CELF4: variants seen among roughly 807,000 people sequenced by gnomAD.
CELF4 encodes the protein CUG-BP- and ETR-3-like factor 4.
CELF4 carries 18 observed loss-of-function variants against 59.9 expected under a neutral mutation model. The ratio of observed to expected loss-of-function variants is 0.30; its 90% CI spans 0.21 to 0.45. CELF4 has a LOEUF of 0.45. Ranked by LOEUF, CELF4 falls within the 20% of genes least tolerant of loss-of-function variation. The probability of loss-of-function intolerance (pLI) is 1.00; values close to 1 mark genes in which losing one functional copy is unlikely to be tolerated. For missense variants in CELF4, 456 were observed against 689.0 expected, an observed-to-expected ratio of 0.66 and a Z score of 3.79; for synonymous variants, 261 against 267.1, an observed-to-expected ratio of 0.98 and a Z score of 0.22.
chr18:37,255,979 G>T (rs902262881), intron 11 of CELF4, among the ~76,000 whole-genome samples: 1 of 151,780 alleles, frequency 6.6e-6, no homozygotes, highest in Non-Finnish European at 1.5e-5. Flanking sequence ...AAGCCCGAGA[G>T]TTGAGAAGCA....
chr18:37,320,262 G>C (rs1490574597), intron 3 of CELF4, among the ~76,000 whole-genome samples: 2 of 149,490 alleles, frequency 1.3e-5, no homozygotes, highest in South Asian at 2.1e-4. Context: ...CGTGAACCCG[G>C]GAGGCGGAGC....
intron 2 of CELF4, among the ~76,000 whole-genome samples, chr18:37,448,858 C>A (rs897424188): frequency 1.3e-5 from 2 of 152,190 alleles, no homozygotes; most frequent in African/African-American, 2.4e-5. Flanking sequence ...TGGCATGGCC[C>A]AGCAGATGCT....
chr18:37,251,055 G>A (rs1007326783), intron 12 of CELF4, among the ~76,000 whole-genome samples: 5 of 152,130 alleles, frequency 3.3e-5, no homozygotes, highest in African/African-American at 1.2e-4. Flanking sequence ...CACTTGAAGG[G>A]GAGAAGGCTC....
chr18:37,480,344 C>T (rs562870711), intron 2 of CELF4, among the ~76,000 whole-genome samples: 2 of 152,322 alleles, frequency 1.3e-5, no homozygotes, highest in South Asian at 4.1e-4. Flanking sequence ...AGTGGAAATA[C>T]ATCCCATTTC....
chr18:37,394,944 C>T lies in CELF4; in HGVS notation c.370-73063G>A, dbSNP rs1256101562. 6.1e-5 allele frequency among the ~76,000 whole-genome samples: 8 copies of T among 131,872 alleles called. No individual in the cohort carries two copies. The Admixed American group carries it at 6.1e-4, about 10-fold the overall frequency. 86.5% of individuals were successfully genotyped at this position (131,872 alleles called of 152,430 possible). On this transcript the variant is annotated intron_variant, in intron 2 of 12. Coordinates refer to ENST00000420428, the MANE Select transcript of CELF4 (RefSeq NM_020180.4). ...CAGCCTTCCTGCCATGCCCAAGACC[C>T]GCCCCCCACCCCCCACCCGGCCTCC... is the stretch of plus-strand genomic sequence containing the variant.
At chr18:37,450,587 AC>A (rs1390089623) in intron 2 of CELF4, among the ~76,000 whole-genome samples, 2 of 150,634 alleles carry the variant, frequency 1.3e-5, no homozygotes, top group East Asian at 3.9e-4. Flanking sequence ...CCTTAATTGC[AC>A]CCCCGTTGCC....
intron 2 of CELF4, among the ~76,000 whole-genome samples, chr18:37,456,151 G>A (rs2099777610): frequency 6.6e-6 from 1 of 152,184 alleles, no homozygotes; most frequent in Non-Finnish European, 1.5e-5. Flanking sequence ...CTGCACAGCT[G>A]CCCCTGGTTT....
chr18:37,534,478 A>C (rs569719868), intron 1 of CELF4, among the ~76,000 whole-genome samples: 2 of 152,298 alleles, frequency 1.3e-5, no homozygotes, highest in African/African-American at 4.8e-5. Context: ...TGCTAATAGC[A>C]GACCGTACAC....
chr18:37,269,166 C>G (rs2089909127), intron 8 of CELF4, among the ~76,000 whole-genome samples: 1 of 152,118 alleles, frequency 6.6e-6, no homozygotes, highest in Admixed American at 6.5e-5. Flanking sequence ...CCAGCTTGCA[C>G]AGCCCCACCC....
At chr18:37,371,639 G>T (rs1192911006) in intron 2 of CELF4, among the ~76,000 whole-genome samples, 2 of 152,206 alleles carry the variant, frequency 1.3e-5, no homozygotes, top group Non-Finnish European at 2.9e-5. Flanking sequence ...TTGAGAAAGG[G>T]AGAGAAGAGG....
rs541028555 is a variant in CELF4 at position 37,424,317 on chromosome 18, G to A, written c.369+61208C>T. On this transcript the variant is annotated intron_variant, in intron 2 of 12. Transcript: ENST00000420428. ...GAGCCAAGGAGAGGTGGGCTGTCAC[G>A]GGAGGCTGGGGGCAGAGGGCAGTCT... Among the ~76,000 whole-genome samples the A allele has an allele frequency of 1.2e-4, 18 of 152,214 alleles. No individual in the cohort carries two copies. In the South Asian group the frequency reaches 3.1e-3, roughly 26 times the overall value.
At chr18:37,527,058 A>G (rs2099964706) in intron 1 of CELF4, among the ~76,000 whole-genome samples, 1 of 151,978 alleles carries the variant, frequency 6.6e-6, no homozygotes, top group African/African-American at 2.4e-5. Flanking sequence ...ATAACATAAC[A>G]TCAATTTAGC....
At chr18:37,266,199 C>T in intron 9 of CELF4, 1 of 469,762 alleles carries the variant, frequency 2.1e-6, no homozygotes, top group Non-Finnish European at 3.9e-6. Flanking sequence ...GTGCTGGTGT[C>T]AGACCTGGTG....
intron 3 of CELF4, chr18:37,275,529 C>A: frequency 2.3e-6 from 1 of 438,534 alleles, no homozygotes; most frequent in Non-Finnish European, 4.2e-6. Flanking sequence ...CGGCCTCCTC[C>A]CGCCTGCAGG....
intron 1 of CELF4, among the ~76,000 whole-genome samples, chr18:37,557,324 A>G (rs1422499251): frequency 6.6e-6 from 1 of 152,198 alleles, no homozygotes; most frequent in Non-Finnish European, 1.5e-5. Flanking sequence ...AGGGTGAACC[A>G]AGTTGTGTAA....
chr18:37,322,832 AACTCAG>A (rs897169850), intron 2 of CELF4, among the ~76,000 whole-genome samples: 1 of 152,078 alleles, frequency 6.6e-6, no homozygotes, highest in African/African-American at 2.4e-5. Flanking sequence ...TTCTCTCACA[AACTCAG>A]ACTCAGAGAG....
At position 37,246,581 on chromosome 18, in the gene CELF4, G is replaced by GT. The variant is rs1286028665; in HGVS notation, c.*45-1385dup. Among the ~76,000 whole-genome samples, 2 of 151,484 alleles carry GT rather than the reference G, an allele frequency of 1.3e-5. No homozygotes were observed. Among genetic ancestry groups the GT allele is most frequent in the East Asian group, 1.9e-4 (1 of 5,144 alleles). On this transcript the variant is annotated intron_variant, in intron 12 of 12. Transcript: ENST00000420428. This position sits in a 1 kb window ranked among gnomAD's most constrained non-coding sequence, Gnocchi z 5.3. The stretch of plus-strand genomic sequence containing the variant: ...CTGTTACTGTAGATATTTTGTTTTT[G>GT]TTTTTTTGTTTTTGTTTTTTTTCCC...
At chr18:37,521,439 G>A (rs1460338840) in intron 1 of CELF4, among the ~76,000 whole-genome samples, 1 of 152,062 alleles carries the variant, frequency 6.6e-6, no homozygotes, top group Non-Finnish European at 1.5e-5. Context: ...ATCAACTTGA[G>A]TGACATGTCC....
At chr18:37,428,913 T>C (rs986668236) in intron 2 of CELF4, among the ~76,000 whole-genome samples, 5 of 152,228 alleles carry the variant, frequency 3.3e-5, no homozygotes, top group African/African-American at 1.2e-4. Context: ...CAGCAAGTGC[T>C]TGCTGAACCC....
Sources: allele counts gnomAD v4.1 joint callset (sites outside exome capture counted in the v4.1 genomes callset), GRCh38; gene constraint gnomAD v4.1.1; non-coding constraint Gnocchi (gnomAD v3.1); transcripts MANE v1.5; gene names NCBI Gene and HGNC (gene_info 2026-07-23, HGNC 2026-07-21).